The following MYO1E variants were observed in gnomAD, a reference collection of about 807,000 sequenced individuals.
The protein encoded by MYO1E is myosin IE.
MYO1E carries 68 observed loss-of-function variants against 151.1 expected under a neutral mutation model. The observed-to-expected ratio is 0.45, with a 90% confidence interval of 0.37 to 0.55. The LOEUF (loss-of-function observed/expected upper bound fraction) is 0.55, where lower values mean the gene tolerates loss of function less well. Ranked by LOEUF, MYO1E falls within the 20% of genes least tolerant of loss-of-function variation. The probability of loss-of-function intolerance (pLI) is 0.00; values close to 1 mark genes in which losing one functional copy is unlikely to be tolerated. For missense variants in MYO1E, 1,363 were observed against 1,389.3 expected, an observed-to-expected ratio of 0.98 and a Z score of 0.30; for synonymous variants, 601 against 501.7, an observed-to-expected ratio of 1.20 and a Z score of -2.64.
chr15:59,164,215 G>A (rs1350311101), intron 22 of MYO1E, among the ~76,000 whole-genome samples: 6 of 152,212 alleles, frequency 3.9e-5, no homozygotes, highest in African/African-American at 1.4e-4. Context: ...TTCCCTGTTA[G>A]ATTTATCACT....
At chr15:59,192,168 G>A (rs1738501437) in intron 17 of MYO1E, among the ~76,000 whole-genome samples, 2 of 152,012 alleles carry the variant, frequency 1.3e-5, no homozygotes, top group African/African-American at 2.4e-5. Context: ...GATTAAGGGT[G>A]GAATCCCAGA....
rs2079528375 is a variant in MYO1E at position 59,159,945 on chromosome 15, A to G, written c.2785+1128T>C. Among the ~76,000 whole-genome samples the G allele has an allele frequency of 6.6e-6, 1 of 152,144 alleles. No homozygotes were observed. Among genetic ancestry groups the G allele is most frequent in the Non-Finnish European group, 1.5e-5 (1 of 68,028 alleles). Reference sequence around the variant, plus strand: ...CTGCAACCTCCACCTCCTGGGTTCAAGCAATTCTCCTGCCTCAGCCTCCCA... The same window carrying G: ...CTGCAACCTCCACCTCCTGGGTTCAGGCAATTCTCCTGCCTCAGCCTCCCA... On this transcript the variant is annotated intron_variant, in intron 24 of 27. Coordinates refer to ENST00000288235, the MANE Select transcript of MYO1E (RefSeq NM_004998.4). The surrounding 1 kb of genome is among the most constrained non-coding windows in gnomAD (Gnocchi z 4.4).
intron 1 of MYO1E, among the ~76,000 whole-genome samples, chr15:59,331,862 A>G (rs1229472251): frequency 2.0e-5 from 3 of 152,180 alleles, no homozygotes; most frequent in Non-Finnish European, 2.9e-5. Flanking sequence ...CTATAATTTC[A>G]TGGTTTGATT....
chr15:59,205,015 G>A (rs1429154489), intron 15 of MYO1E, among the ~76,000 whole-genome samples: 2 of 152,110 alleles, frequency 1.3e-5, no homozygotes, highest in African/African-American at 4.8e-5. Context: ...GAAGTGTTAG[G>A]GACATAAAAG....
chr15:59,214,501 A>C (rs1398415583), intron 11 of MYO1E, 139 bp downstream of exon 11: 2 of 1,017,274 alleles, frequency 2.0e-6, no homozygotes, highest in African/African-American at 1.6e-5. Context: ...CACAAAGGCA[A>C]AAATGAGCCT....
chr15:59,226,349 C>G (rs2079991253), intron 7 of MYO1E, among the ~76,000 whole-genome samples: 1 of 152,104 alleles, frequency 6.6e-6, no homozygotes, highest in African/African-American at 2.4e-5. Context: ...ACAAACTAAA[C>G]ACGAAATGAA....
intron 19 of MYO1E, 129 bp from the exon 20 acceptor site, chr15:59,174,369 TG>T: frequency 2.8e-6 from 2 of 725,328 alleles, no homozygotes; most frequent in South Asian, 3.0e-5. Flanking sequence ...CTCTGATTCA[TG>T]AACGAATATG....
chr15:59,203,495 T>A (rs1435882012), intron 15 of MYO1E, among the ~76,000 whole-genome samples: 1 of 151,898 alleles, frequency 6.6e-6, no homozygotes, highest in African/African-American at 2.4e-5. Context: ...TTCTCCTGCC[T>A]CAGCCTCCTG....
intron 19 of MYO1E, among the ~76,000 whole-genome samples, chr15:59,174,744 T>C (rs1596352083): frequency 6.6e-6 from 1 of 152,080 alleles, no homozygotes; most frequent in Non-Finnish European, 1.5e-5. Context: ...CAAGAAAATA[T>C]AGACTTCCTG....
chr15:59,272,592 G>C (rs1327874146), intron 1 of MYO1E, 143 bp from the exon 2 acceptor site: 4 of 948,268 alleles, frequency 4.2e-6, no homozygotes, highest in Non-Finnish European at 4.8e-6. Context: ...CAATCAATAA[G>C]ATGAGGATTC....
chr15:59,239,879 T>C (rs539208455), intron 4 of MYO1E, among the ~76,000 whole-genome samples: 1 of 152,342 alleles, frequency 6.6e-6, no homozygotes, highest in East Asian at 1.9e-4. Flanking sequence ...AAACCTACAG[T>C]ATATGCAACC....
intron 9 of MYO1E, among the ~76,000 whole-genome samples, chr15:59,220,599 T>C (rs951063150): frequency 6.6e-6 from 1 of 152,158 alleles, no homozygotes; most frequent in Non-Finnish European, 1.5e-5. Flanking sequence ...CTTTTTTCCA[T>C]TATAAAGGCA....
chr15:59,327,498 A>T (rs1354306338), intron 1 of MYO1E, among the ~76,000 whole-genome samples: 1 of 151,984 alleles, frequency 6.6e-6, no homozygotes, highest in Non-Finnish European at 1.5e-5. Context: ...TATTATTTAT[A>T]GACATGGGGT....
intron 1 of MYO1E, among the ~76,000 whole-genome samples, chr15:59,330,444 A>G (rs1169360191): frequency 6.6e-6 from 1 of 152,234 alleles, no homozygotes; most frequent in Non-Finnish European, 1.5e-5. Flanking sequence ...AGTGGCAGGC[A>G]AAGTACGTAT....
rs1470630082 is a variant in MYO1E, at chr15:59,132,798, A to G, written c.*4582T>C. The G allele has an allele frequency of 6.6e-6, 1 of 152,222 alleles. No homozygotes were observed. Among genetic ancestry groups the G allele is most frequent in the East Asian group, 1.9e-4 (1 of 5,202 alleles). 9.4% of individuals were successfully genotyped at this position (152,222 alleles called of 1,614,324 possible). A position where few individuals can be genotyped will look rare whatever the true frequency, so the allele number is the denominator to read the frequency against. On this transcript the variant is annotated 3_prime_UTR_variant, in exon 28 of 28. Transcript: ENST00000288235. ...AAGTAAAGTATGCCAAGCACTTAGT[A>G]TAGCTTCTAGTGTGAAGAAGATACT...
chr15:59,142,665 C>CA (rs2079417404), intron 26 of MYO1E, among the ~76,000 whole-genome samples: 1 of 152,170 alleles, frequency 6.6e-6, no homozygotes, highest in Admixed American at 6.5e-5. Flanking sequence ...ATGGCGCCTA[C>CA]AGACTCTGCC....
intron 17 of MYO1E, among the ~76,000 whole-genome samples, chr15:59,191,178 G>A (rs781437736): frequency 2.6e-5 from 4 of 152,000 alleles, no homozygotes; most frequent in African/African-American, 4.8e-5. Context: ...GAGTTAAGCC[G>A]GGCATAGTGG....
intron 1 of MYO1E, among the ~76,000 whole-genome samples, chr15:59,352,519 T>G (rs1449441910): frequency 6.6e-6 from 1 of 152,124 alleles, no homozygotes; most frequent in Non-Finnish European, 1.5e-5. Flanking sequence ...AGCAAACAGC[T>G]CCTCTTCTAA....
In MYO1E at chr15:59,307,047, G is replaced by A. The variant is rs140402402; in HGVS notation, c.4-34598C>T. Among the ~76,000 whole-genome samples, 1,117 of 152,340 alleles carry A rather than the reference G, an allele frequency of 7.3e-3. 9 individuals carry two copies. The highest frequency in any genetic ancestry group is 0.025 in the African/African-American group (1,050 of 41,568). ...ACGGGATGCAAGCATATAGAAAGAG[G>A]CACTGGGAAAGTCTTCCTGGCAGGA... On this transcript the variant is annotated intron_variant, in intron 1 of 27. Transcript: ENST00000288235.
Sources: allele counts gnomAD v4.1 joint callset (sites outside exome capture counted in the v4.1 genomes callset), GRCh38; gene constraint gnomAD v4.1.1; non-coding constraint Gnocchi (gnomAD v3.1); transcripts MANE v1.5; gene names NCBI Gene and HGNC (gene_info 2026-07-23, HGNC 2026-07-21).